Variants in GJB1 observed in about 807,000 individuals in gnomAD.
GJB1 encodes the protein gap junction beta-1 protein.
A neutral mutation model predicts 12.0 loss-of-function variants in GJB1; 1 was observed. That is an observed-to-expected ratio of 0.08 (90% confidence interval 0.03 to 0.40). GJB1 has a LOEUF of 0.40. Among genes scored for constraint, GJB1 ranks in the 10% least tolerant of loss-of-function variants. The probability of loss-of-function intolerance (pLI) is 0.98; values close to 1 mark genes in which losing one functional copy is unlikely to be tolerated. For missense variants in GJB1, 140 were observed against 250.3 expected (o/e 0.56, Z 2.97); for synonymous variants, 114 against 102.8 (o/e 1.11, Z -0.66).
rs753207004 is a variant in GJB1 at position 71,223,250 on chromosome X, G to A, written c.-102G>A. ...GGCGGTGATGAATTGGGACGCAGGC[G>A]CGGAGCCCAGGGACCACTCCCCCTG... On this transcript the variant is annotated 5_prime_UTR_variant, in exon 1 of 2. Transcript: ENST00000361726. The A allele has an allele frequency of 6.0e-5, 12 of 199,962 alleles. No homozygotes were observed. Among genetic ancestry groups the A allele is most frequent in the Non-Finnish European group, 1.0e-4 (11 of 108,465 alleles). The allele number at this position is 199,962 out of a possible 1,213,427, so 16.5% of individuals were successfully genotyped here. A position where few individuals can be genotyped will look rare whatever the true frequency, so the allele number is the denominator to read the frequency against.
intron 1 of GJB1, among the ~76,000 whole-genome samples, chrX:71,217,314 C>T (rs1304670566): frequency 1.8e-5 from 2 of 112,117 alleles, no homozygotes; most frequent in South Asian, 3.7e-4. Context: ...GTGCAATTGC[C>T]GTTGAGGCAA....
At chrX:71,221,972 CA>C (rs1366414661), upstream of GJB1, among the ~76,000 whole-genome samples, 75 of 98,836 alleles carry the variant, frequency 7.6e-4, no homozygotes, top group Middle Eastern at 0.01. Flanking sequence ...CCCATCTCTA[CA>C]AAAAAAAAAA....
chrX:71,224,764 A>G lies in GJB1; in HGVS notation c.*205A>G, dbSNP rs2092547615. ...CTAGAGGCCACCTATGCCAGTGCTC[A>G]AGGTTACTGGGAGTGTGGGCTGCCC... On this transcript the variant is annotated 3_prime_UTR_variant, in exon 2 of 2. Transcript: ENST00000361726. 2.2e-6 allele frequency: 1 copy of G among 461,581 alleles called. No individual in the cohort carries two copies. The highest frequency in any genetic ancestry group is 2.5e-5 in the African/African-American group (1 of 40,808). 38.0% of individuals were successfully genotyped at this position (461,581 alleles called of 1,213,427 possible). A position where few individuals can be genotyped will look rare whatever the true frequency, so the allele number is the denominator to read the frequency against.
chrX:71,220,142 C>CTTTTTTTTTTT (rs41353351), upstream of GJB1, among the ~76,000 whole-genome samples: 1 of 52,825 alleles, frequency 1.9e-5, no homozygotes, highest in Admixed American at 2.7e-4. Flanking sequence ...TGTGCCTGGC[C>CTTTTTTTTTTT]TTTTTTTTTT....
Position 71,224,746 on chromosome X carries a change from C to T in GJB1, c.*187C>T. 2.1e-6 allele frequency: 1 copy of T among 476,335 alleles called. No homozygotes were observed. The highest frequency in any genetic ancestry group is 3.7e-6 in the Non-Finnish European group (1 of 267,191). The allele number at this position is 476,335 out of a possible 1,213,427, so 39.3% of individuals were successfully genotyped here. On this transcript the variant is annotated 3_prime_UTR_variant, in exon 2 of 2. Coordinates refer to ENST00000361726, the MANE Select transcript of GJB1 (RefSeq NM_000166.6). ...AGCTGGAGGGGTGGGGAGCTAGAGGCCACCTATGCCAGTGCTCAAGGTTAC... is the reference window on the plus strand; with the variant it reads ...AGCTGGAGGGGTGGGGAGCTAGAGGTCACCTATGCCAGTGCTCAAGGTTAC...
At chrX:71,217,207 C>T (rs2092527481) in intron 1 of GJB1, among the ~76,000 whole-genome samples, 1 of 110,950 alleles carries the variant, frequency 9.0e-6, no homozygotes. Context: ...AGAATGCAAA[C>T]TCCTTAAAGG....
At chrX:71,217,669 C>A (rs1039967176) in intron 1 of GJB1, 1 of 111,492 alleles carries the variant, frequency 9.0e-6, no homozygotes, top group African/African-American at 3.3e-5. Context: ...AGTTCTCCTT[C>A]CAAAGGTAAC....
chrX:71,224,593 C>CA lies in GJB1; in HGVS notation c.*34_*35insA, dbSNP rs1372482578. On this transcript the variant is annotated 3_prime_UTR_variant, in exon 2 of 2. Transcript: ENST00000361726. ...ACCAGGCAACCTCCCATCCCACCCC[C>CA]GACCCTGCCCTGGGCGAGCCCCTCC... The CA allele has an allele frequency of 6.9e-6, 7 of 1,019,021 alleles. No individual in the cohort carries two copies. Among genetic ancestry groups the CA allele is most frequent in the Non-Finnish European group, 9.5e-6 (7 of 737,752 alleles). The allele number at this position is 1,019,021 out of a possible 1,213,427, so 84.0% of individuals were successfully genotyped here.
At chrX:71,223,548 G>A (rs2092541518) in intron 1 of GJB1, 144 bp from the exon 2 acceptor site, 2 of 550,296 alleles carry the variant, frequency 3.6e-6, no homozygotes, top group African/African-American at 4.5e-5. Context: ...AAGGGAGATG[G>A]GGTGACGAGG....
intron 1 of GJB1, chrX:71,217,791 C>G (rs762100860): frequency 9.2e-6 from 1 of 108,413 alleles, no homozygotes; most frequent in East Asian, 3.0e-4. Flanking sequence ...GTTACAAGAA[C>G]CTAGAAACTC....
Position 71,224,852 on chromosome X carries a change from G to A in GJB1, c.*293G>A. On this transcript the variant is annotated 3_prime_UTR_variant, in exon 2 of 2. Coordinates refer to ENST00000361726, the MANE Select transcript of GJB1 (RefSeq NM_000166.6). ...TCTGGGACCACTGGGTACAAGAGATGGGATGCTCCGACAGCGTCTCCAATT... is the reference window on the plus strand; with the variant it reads ...TCTGGGACCACTGGGTACAAGAGATAGGATGCTCCGACAGCGTCTCCAATT... 2.2e-5 allele frequency: 9 copies of A among 413,124 alleles called. No individual in the cohort carries two copies. Among genetic ancestry groups the A allele is most frequent in the African/African-American group, 7.4e-5 (3 of 40,305 alleles). 34.0% of individuals were successfully genotyped at this position (413,124 alleles called of 1,213,427 possible).
At position 71,224,384 on chromosome X, in the gene GJB1, A is replaced by G. The variant is rs781312706; in HGVS notation, c.677A>G (p.Asn226Ser). The G allele has an allele frequency of 1.3e-5, 16 of 1,210,456 alleles. No homozygotes were observed. The South Asian group carries it at 2.8e-4, about 21-fold the overall frequency. The change falls in exon 2 of 2, where the codon AAT becomes AGT. Residue 226 changes from asparagine to serine, a missense_variant. Asn to Ser is a conservative substitution (Grantham distance 46). Transcript: ENST00000361726. ...GCCCGCCGAGCCCAGCGCCGCTCCA[A>G]TCCACCTTCCCGCAAGGGCTCGGGC... is the stretch of plus-strand genomic sequence containing the variant. ...ACARRAQRRS[N>S]PPSRKGSGFG... is the part of the protein sequence containing the mutation.
At chrX:71,218,750 T>A (rs79536606), upstream of GJB1, among the ~76,000 whole-genome samples, 3 of 107,356 alleles carry the variant, frequency 2.8e-5, no homozygotes, top group African/African-American at 6.8e-5. Flanking sequence ...CGGGCGTGGT[T>A]GCGGGGGCGC....
rs1569215236 is a variant in GJB1, at chrX:71,224,056, C to A, written c.349C>A (p.Leu117Met). Residue 117 changes from leucine (L) to methionine (M), a missense_variant, in exon 2 of 2, where the codon CTG (leucine) becomes ATG (methionine). Leu to Met is a conservative substitution (Grantham distance 15, BLOSUM62 2). Around this residue, in one of 4 missense-constraint regions of GJB1, gnomAD observed 49 missense variants for 104.5 expected, o/e 0.47. Coordinates refer to ENST00000361726, the MANE Select transcript of GJB1 (RefSeq NM_000166.6). ...RLEGHGDPLHLEEVKRHKVHI... is the reference protein window; with the variant it reads ...RLEGHGDPLHMEEVKRHKVHI... ...TGAGGGCCATGGGGACCCCCTACAC[C>A]TGGAGGAGGTGAAGAGGCACAAGGT... 8.3e-7 allele frequency: 1 copy of A among 1,203,298 alleles called. No homozygotes were observed. The highest frequency in any genetic ancestry group is 3.0e-5 in the East Asian group (1 of 33,687).
chrX:71,217,543 T>C (rs1602346036), intron 1 of GJB1: 1 of 111,756 alleles, frequency 8.9e-6, no homozygotes, highest in Non-Finnish European at 1.9e-5. Flanking sequence ...ACCGAGGATA[T>C]CAATACGGGG....
chrX:71,224,667 CA>C lies in GJB1; in HGVS notation c.*112del. ...CTCTGCCTGCTGGGGATTACTCGAT[CA>C]AAACCTTCCTTCCCTGGCTACTTCC... On this transcript the variant is annotated 3_prime_UTR_variant, in exon 2 of 2. Transcript: ENST00000361726. 1.4e-6 allele frequency: 1 copy of C among 714,454 alleles called. No homozygotes were observed. Among genetic ancestry groups the C allele is most frequent in the African/African-American group, 2.1e-5 (1 of 47,488 alleles). 58.9% of individuals were successfully genotyped at this position (714,454 alleles called of 1,213,427 possible).
At chrX:71,217,422 AC>A (rs1305242549) in intron 1 of GJB1, among the ~76,000 whole-genome samples, 44 of 111,953 alleles carry the variant, frequency 3.9e-4, no homozygotes, top group African/African-American at 1.3e-3. Context: ...CTGATTTTGC[AC>A]TGTGCTTGAG....
chrX:71,224,671 A>C lies in GJB1; in HGVS notation c.*112A>C. ...GCCTGCTGGGGATTACTCGATCAAA[A>C]CCTTCCTTCCCTGGCTACTTCCCTT... On this transcript the variant is annotated 3_prime_UTR_variant, in exon 2 of 2. Transcript: ENST00000361726. 1 of 711,461 alleles carries C rather than the reference A, an allele frequency of 1.4e-6. No individual in the cohort carries two copies. Among genetic ancestry groups the C allele is most frequent in the Non-Finnish European group, 2.2e-6 (1 of 463,435 alleles). 58.6% of individuals were successfully genotyped at this position (711,461 alleles called of 1,213,427 possible).
chrX:71,224,515 G>C lies in GJB1; in HGVS notation c.808G>C (p.Gly270Arg), dbSNP rs1244231648. Residue 270 changes from glycine (G) to arginine (R), a missense_variant, in exon 2 of 2, where the codon GGG (glycine) becomes CGG (arginine). This residue lies in a region of GJB1 where 75 missense variants were observed against 78.8 expected (regional missense o/e 0.95). Transcript: ENST00000361726. ...CATACTGCGCCGCAGCCCTGGCACCGGGGCTGGGCTGGCTGAAAAGAGCGA... is the reference window on the plus strand; with the variant it reads ...CATACTGCGCCGCAGCCCTGGCACCCGGGCTGGGCTGGCTGAAAAGAGCGA... ...KDILRRSPGT[G>R]AGLAEKSDRC... 8.4e-7 allele frequency: 1 copy of C among 1,195,685 alleles called. No homozygotes were observed. Among genetic ancestry groups the C allele is most frequent in the Non-Finnish European group, 1.1e-6 (1 of 886,882 alleles).
Sources: allele counts gnomAD v4.1 joint callset (sites outside exome capture counted in the v4.1 genomes callset), GRCh38; gene constraint gnomAD v4.1.1; regional missense constraint gnomAD v4.1.1; transcripts MANE v1.5; gene names NCBI Gene and HGNC (gene_info 2026-07-23, HGNC 2026-07-21).